Variants in WDR70 observed in about 807,000 individuals in gnomAD.
WDR70 encodes WD repeat domain 70, also known as WD repeat-containing protein 70.
In WDR70, 53 loss-of-function variants were observed where a neutral mutation model predicts 88.6. The observed-to-expected ratio is 0.60, with a 90% CI of 0.48 to 0.75. The LOEUF (loss-of-function observed/expected upper bound fraction) is 0.75. WDR70 is among the 30% of genes least tolerant of loss of function. The pLI, the probability that WDR70 is intolerant of heterozygous loss-of-function variation, is 0.00. For synonymous variants in WDR70, 280 were observed against 270.0 expected (o/e 1.04, Z -0.36); for missense variants, 610 against 823.2 (o/e 0.74, Z 3.17).
chr5:37,749,512 G>C (rs1435416633), intron 17 of WDR70, among the ~76,000 whole-genome samples: 1 of 151,922 alleles, frequency 6.6e-6, no homozygotes, highest in Non-Finnish European at 1.5e-5. Flanking sequence ...CATGTATACT[G>C]ATGTAATGAA....
At chr5:37,645,789 T>G (rs1298792856) in intron 10 of WDR70, among the ~76,000 whole-genome samples, 1 of 152,142 alleles carries the variant, frequency 6.6e-6, no homozygotes, top group Non-Finnish European at 1.5e-5. Context: ...ACATATCTAT[T>G]CTTGCTCCTT....
At chr5:37,580,361 T>TA in intron 9 of WDR70, among the ~76,000 whole-genome samples, 1 of 152,228 alleles carries the variant, frequency 6.6e-6, no homozygotes, top group Non-Finnish European at 1.5e-5. Context: ...TATTTCCATT[T>TA]ATCTGGGTCA....
At position 37,385,085 on chromosome 5, in the gene WDR70, G is replaced by A. The variant is rs562348572; in HGVS notation, c.175+3400G>A. Among the ~76,000 whole-genome samples the A allele has an allele frequency of 2.0e-5, 3 of 152,288 alleles. No homozygotes were observed. In the East Asian group the frequency reaches 5.8e-4, roughly 29 times the overall value. On this transcript the variant is annotated intron_variant, in intron 3 of 17. Transcript: ENST00000265107. Reference sequence around the variant, plus strand: ...TATAAAGAATATTATAAATGATACAGATGAACAGCCAGATGAAGTAATGCA... The same window carrying A: ...TATAAAGAATATTATAAATGATACAAATGAACAGCCAGATGAAGTAATGCA...
At chr5:37,554,288 G>A (rs182500692) in intron 9 of WDR70, among the ~76,000 whole-genome samples, 127 of 152,078 alleles carry the variant, frequency 8.4e-4, no homozygotes, top group Non-Finnish European at 1.3e-3. Flanking sequence ...CTTGGTCATA[G>A]GCCAGCATTG....
Position 37,639,902 on chromosome 5 carries a change from A to G in WDR70, c.1092+34664A>G, listed in dbSNP as rs528740132. ...GAAGTGGTTTGAGCACTTTAAATTTATTATTTCATTTAATTTTCACCACAG... is the reference window on the plus strand; with the variant it reads ...GAAGTGGTTTGAGCACTTTAAATTTGTTATTTCATTTAATTTTCACCACAG... On this transcript the variant is annotated intron_variant, in intron 10 of 17. Coordinates refer to ENST00000265107, the MANE Select transcript of WDR70 (RefSeq NM_018034.4). Among the ~76,000 whole-genome samples, 6 of 152,278 alleles carry G rather than the reference A, an allele frequency of 3.9e-5. No individual in the cohort carries two copies. The East Asian group carries it at 9.6e-4, about 24-fold the overall frequency.
At chr5:37,536,623 G>A (rs1741673641) in intron 9 of WDR70, among the ~76,000 whole-genome samples, 1 of 152,100 alleles carries the variant, frequency 6.6e-6, no homozygotes, top group South Asian at 2.1e-4. Flanking sequence ...TATCATAGGT[G>A]TTGAACTTCA....
intron 9 of WDR70, among the ~76,000 whole-genome samples, chr5:37,558,753 C>A (rs955167696): frequency 1.3e-5 from 2 of 152,020 alleles, no homozygotes; most frequent in African/African-American, 4.8e-5. Context: ...CATTTTAATT[C>A]CTCTATAGGG....
intron 5 of WDR70, among the ~76,000 whole-genome samples, chr5:37,422,816 G>A (rs953568383): frequency 2.6e-5 from 4 of 151,888 alleles, no homozygotes; most frequent in East Asian, 1.9e-4. Flanking sequence ...TTGTAGAAAC[G>A]GGGTTTTGCC....
At chr5:37,595,997 A>T (rs916112938) in intron 9 of WDR70, among the ~76,000 whole-genome samples, 8 of 152,218 alleles carry the variant, frequency 5.3e-5, no homozygotes, top group African/African-American at 1.7e-4. Flanking sequence ...TCAAATATTT[A>T]TGATATATTC....
intron 9 of WDR70, among the ~76,000 whole-genome samples, chr5:37,542,523 C>A (rs370276518): frequency 1.3e-5 from 2 of 152,014 alleles, no homozygotes; most frequent in Non-Finnish European, 2.9e-5. Context: ...CCTCGTGATC[C>A]GCCCACCTCA....
chr5:37,449,422 T>C (rs1263324806), intron 7 of WDR70, among the ~76,000 whole-genome samples: 1 of 151,962 alleles, frequency 6.6e-6, no homozygotes, highest in Non-Finnish European at 1.5e-5. Flanking sequence ...TGAAACCCCG[T>C]CTGTACTAAA....
intron 3 of WDR70, among the ~76,000 whole-genome samples, chr5:37,382,596 G>C (rs1748462133): frequency 6.6e-6 from 1 of 152,102 alleles, no homozygotes; most frequent in South Asian, 2.1e-4. Flanking sequence ...ATTTTTAGTA[G>C]AGATGGGGTT....
At chr5:37,473,696 T>G (rs1454487956) in intron 7 of WDR70, among the ~76,000 whole-genome samples, 2 of 152,198 alleles carry the variant, frequency 1.3e-5, no homozygotes, top group Admixed American at 1.3e-4. Flanking sequence ...CTGAATTACT[T>G]TTCTTCCTTT....
At chr5:37,448,261 G>A (rs1738561725) in intron 7 of WDR70, among the ~76,000 whole-genome samples, 1 of 152,164 alleles carries the variant, frequency 6.6e-6, no homozygotes. Flanking sequence ...GACCTTATTA[G>A]TCTTTAAAAC....
At chr5:37,738,514 G>A (rs911500590) in intron 17 of WDR70, among the ~76,000 whole-genome samples, 1 of 152,166 alleles carries the variant, frequency 6.6e-6, no homozygotes, top group Admixed American at 6.5e-5. Context: ...GAGAAGGGCC[G>A]TGTAGAAGAC....
chr5:37,728,912 T>C (rs897203835), intron 17 of WDR70, among the ~76,000 whole-genome samples: 1 of 152,172 alleles, frequency 6.6e-6, no homozygotes, highest in Non-Finnish European at 1.5e-5. Context: ...TGTTTATTAA[T>C]TGGAATTCTA....
At chr5:37,735,596 C>G (rs190903608) in intron 17 of WDR70, among the ~76,000 whole-genome samples, 2 of 152,294 alleles carry the variant, frequency 1.3e-5, no homozygotes, top group East Asian at 3.9e-4. Context: ...ATACTAAGTT[C>G]ATGGCACTGT....
Position 37,411,698 on chromosome 5 carries a change from C to T in WDR70, c.492+15128C>T, listed in dbSNP as rs540509539. Among the ~76,000 whole-genome samples the T allele has an allele frequency of 3.3e-5, 5 of 152,126 alleles. No individual in the cohort carries two copies. The South Asian group carries it at 8.3e-4, about 25-fold the overall frequency. On this transcript the variant is annotated intron_variant, in intron 5 of 17. Transcript: ENST00000265107. ...CTGATATCATGCCACCGTACTCCTGCCTGGGCTACAGAATGAGACTCCGTC... is the reference window on the plus strand; with the variant it reads ...CTGATATCATGCCACCGTACTCCTGTCTGGGCTACAGAATGAGACTCCGTC...
intron 10 of WDR70, among the ~76,000 whole-genome samples, chr5:37,637,557 A>G (rs1353824718): frequency 2.0e-5 from 3 of 152,160 alleles, no homozygotes; most frequent in Non-Finnish European, 4.4e-5. Context: ...TAGGACATCA[A>G]GAAGGTCTGT....
Sources: gnomAD v4.1 joint callset for allele counts (sites outside exome capture counted in the v4.1 genomes callset) on GRCh38, gnomAD v4.1.1 for gene constraint, MANE v1.5 for transcripts, NCBI Gene and HGNC (gene_info 2026-07-23, HGNC 2026-07-21) for gene names.